Variants in LONRF3 observed in about 807,000 individuals in gnomAD.
LONRF3 encodes the protein LON peptidase N-terminal domain and RING finger protein 3.
LONRF3 carries 19 observed loss-of-function variants against 51.7 expected under a neutral mutation model. The ratio of observed to expected loss-of-function variants is 0.37; its 90% CI spans 0.26 to 0.54. The LOEUF (loss-of-function observed/expected upper bound fraction) is 0.54, where lower values mean the gene tolerates loss of function less well. Among genes scored for constraint, LONRF3 ranks in the 20% least tolerant of loss-of-function variants. The probability of loss-of-function intolerance (pLI) is 0.86; values close to 1 mark genes in which losing one functional copy is unlikely to be tolerated. For synonymous variants in LONRF3, 265 were observed against 257.8 expected, an observed-to-expected ratio of 1.03 and a Z score of -0.27; for missense variants, 521 against 623.9, an observed-to-expected ratio of 0.84 and a Z score of 1.76.
chrX:119,012,380 G>A (rs1925168871), intron 8 of LONRF3, among the ~76,000 whole-genome samples: 1 of 110,350 alleles, frequency 9.1e-6, no homozygotes, highest in African/African-American at 3.3e-5. Context: ...TGGAAGATTG[G>A]TGAGTTAATA....
chrX:119,007,790 C>T (rs1324407257), intron 6 of LONRF3, among the ~76,000 whole-genome samples: 2 of 111,973 alleles, frequency 1.8e-5, no homozygotes, highest in Non-Finnish European at 3.8e-5. Context: ...GTAGGATTTG[C>T]AGGCCTGATT....
intron 5 of LONRF3, among the ~76,000 whole-genome samples, chrX:118,993,123 C>A (rs77839168): frequency 1.4e-5 from 1 of 69,124 alleles, no homozygotes; most frequent in South Asian, 6.4e-4. Flanking sequence ...TTCTAACACC[C>A]CCCCCCAAAA....
At position 119,013,186 on chromosome X, in the gene LONRF3, C is replaced by T; in HGVS notation, c.1959C>T (p.Tyr653=). The part of the protein sequence containing the change: ...RDGYNTADIE[Y]IEDQKVQGED... ...GCTACAACACAGCCGACATTGAATA[C>T]ATTGAAGACCAAAAGGTAAGGGTGG... The change falls in exon 9 of 11, where the codon TAC becomes TAT. Residue 653 remains tyrosine, a synonymous_variant. Coordinates refer to ENST00000371628, the MANE Select transcript of LONRF3 (RefSeq NM_001031855.3). 1.7e-6 allele frequency: 2 copies of T among 1,209,382 alleles called. No individual in the cohort carries two copies. The highest frequency in any genetic ancestry group is 3.0e-5 in the East Asian group (1 of 33,839).
chrX:118,986,972 A>G lies in LONRF3; in HGVS notation c.1060-2436A>G, dbSNP rs746733981. On this transcript the variant is annotated intron_variant, in intron 3 of 10. Transcript: ENST00000371628. ...CATCAGTCCCGGGGGATTCTCAGGA[A>G]CATTCTCCCGATATCCTGAAGCTGT... The G allele has an allele frequency of 5.2e-6, 6 of 1,151,218 alleles. No homozygotes were observed. The East Asian group carries it at 1.6e-4, about 31-fold the overall frequency. 94.9% of individuals were successfully genotyped at this position (1,151,218 alleles called of 1,213,427 possible).
At chrX:119,002,551 G>A (rs1279270966) in intron 5 of LONRF3, among the ~76,000 whole-genome samples, 1 of 111,518 alleles carries the variant, frequency 9.0e-6, no homozygotes, top group Admixed American at 9.5e-5. Context: ...ATTGTATCTA[G>A]TTAGGGGATA....
At chrX:118,982,373 T>C (rs185406282) in intron 2 of LONRF3, among the ~76,000 whole-genome samples, 13 of 111,774 alleles carry the variant, frequency 1.2e-4, no homozygotes, top group Non-Finnish European at 1.7e-4. Context: ...GTAGGTGCTC[T>C]TTCAAGCCAC....
At chrX:119,014,159 A>G (rs746737234) in intron 9 of LONRF3, 48 bp from the exon 10 acceptor site, 2 of 1,153,119 alleles carry the variant, frequency 1.7e-6, no homozygotes, top group Admixed American at 4.9e-5. Context: ...GACTCTGGGA[A>G]TGATGGAGAG....
chrX:119,003,280 C>G (rs774394403), intron 5 of LONRF3, among the ~76,000 whole-genome samples: 9 of 111,447 alleles, frequency 8.1e-5, no homozygotes, highest in Non-Finnish European at 1.3e-4. Flanking sequence ...CTCAGCACCC[C>G]CGCCTCAAGT....
Position 119,014,412 on chromosome X carries a change from T to C in LONRF3, c.2124+56T>C, listed in dbSNP as rs1476871826. The C allele has an allele frequency of 5.7e-6, 6 of 1,059,662 alleles. No homozygotes were observed. The East Asian group carries it at 1.8e-4, about 32-fold the overall frequency. 87.3% of individuals were successfully genotyped at this position (1,059,662 alleles called of 1,213,427 possible). A position where few individuals can be genotyped will look rare whatever the true frequency, so the allele number is the denominator to read the frequency against. On this transcript the variant is annotated intron_variant, in intron 10 of 10. Coordinates refer to ENST00000371628, the MANE Select transcript of LONRF3 (RefSeq NM_001031855.3). ...TGTCCCACTAGAAGAGAGTGCCTAG[T>C]GTTTGTGATTAGATGGGTATGTGGC...
intron 10 of LONRF3, among the ~76,000 whole-genome samples, chrX:119,014,794 G>T (rs763680866): frequency 2.5e-4 from 28 of 111,329 alleles, no homozygotes; most frequent in Non-Finnish European, 4.5e-4. Context: ...TCATTGCTTT[G>T]GGAACTAGGG....
Position 119,009,158 on chromosome X carries a change from A to G in LONRF3, c.1563A>G (p.Val521=), listed in dbSNP as rs776741431. ...CLASRKYSKN[V]IMEELIAKFL... The stretch of plus-strand genomic sequence containing the variant: ...CATCAAGAAAATACAGCAAAAATGT[A>G]ATAATGGAGGAGCTCATAGCTAAAT... The change falls in exon 7 of 11, where the codon GTA becomes GTG. Residue 521 remains valine, a synonymous_variant. Coordinates refer to ENST00000371628, the MANE Select transcript of LONRF3 (RefSeq NM_001031855.3). 3 of 1,208,764 alleles carry G rather than the reference A, an allele frequency of 2.5e-6. No individual in the cohort carries two copies. Among genetic ancestry groups the G allele is most frequent in the Non-Finnish European group, 3.4e-6 (3 of 894,422 alleles).
At chrX:118,997,324 T>TA (rs1457819997) in intron 5 of LONRF3, among the ~76,000 whole-genome samples, 1 of 111,775 alleles carries the variant, frequency 8.9e-6, no homozygotes, top group Non-Finnish European at 1.9e-5. Context: ...CCCAAATACT[T>TA]ACAGCCAACT....
chrX:118,985,522 C>T (rs947661075), intron 3 of LONRF3, among the ~76,000 whole-genome samples: 4 of 112,112 alleles, frequency 3.6e-5, no homozygotes, highest in African/African-American at 9.7e-5. Flanking sequence ...AATGCTAGGC[C>T]TCTCCCTGGG....
chrX:119,011,981 AG>A lies in LONRF3; in HGVS notation c.1811+10del, dbSNP rs1387698100. On this transcript the variant is annotated intron_variant, in intron 8 of 10. Coordinates refer to ENST00000371628, the MANE Select transcript of LONRF3 (RefSeq NM_001031855.3). ...TGGAGATCCTGTCAAAGGGTAAGTG[AG>A]GAGCCATGCGAGCAAAGGGAGGTTG... 1 of 1,210,717 alleles carries A rather than the reference AG, an allele frequency of 8.3e-7. No individual in the cohort carries two copies. The highest frequency in any genetic ancestry group is 1.1e-6 in the Non-Finnish European group (1 of 894,671).
At chrX:118,985,368 G>A (rs1327767762) in intron 3 of LONRF3, among the ~76,000 whole-genome samples, 2 of 111,685 alleles carry the variant, frequency 1.8e-5, no homozygotes, top group East Asian at 5.7e-4. Context: ...CTCCTGTGGA[G>A]GAGGGACCTC....
chrX:119,000,820 T>A (rs1203825632), intron 5 of LONRF3, among the ~76,000 whole-genome samples: 62 of 55,698 alleles, frequency 1.1e-3, no homozygotes, highest in South Asian at 5.3e-3. Context: ...TCTCTCTCTC[T>A]CTCTCTCTCT....
chrX:118,986,075 C>G (rs1922939455), intron 3 of LONRF3, among the ~76,000 whole-genome samples: 1 of 107,439 alleles, frequency 9.3e-6, no homozygotes, highest in South Asian at 4.2e-4. Context: ...CACACACACA[C>G]ACACACACAC....
intron 10 of LONRF3, among the ~76,000 whole-genome samples, chrX:119,015,723 A>T (rs1352452076): frequency 8.9e-6 from 1 of 112,443 alleles, no homozygotes; most frequent in Non-Finnish European, 1.9e-5. Context: ...CTAATGACAG[A>T]GAAAGTTGAA....
chrX:118,998,628 A>G (rs776627084), intron 5 of LONRF3, among the ~76,000 whole-genome samples: 10 of 112,653 alleles, frequency 8.9e-5, no homozygotes, highest in African/African-American at 3.2e-4. Context: ...AATTAAAAAC[A>G]GAAATTAAGA....
Sources: allele counts gnomAD v4.1 joint callset (sites outside exome capture counted in the v4.1 genomes callset), GRCh38; gene constraint gnomAD v4.1.1; transcripts MANE v1.5; gene names NCBI Gene and HGNC (gene_info 2026-07-23, HGNC 2026-07-21).